SGCD: variants seen among roughly 807,000 people sequenced by gnomAD.
SGCD encodes the protein delta-sarcoglycan.
In SGCD, 18 loss-of-function variants were observed where a neutral mutation model predicts 36.6. That is an observed-to-expected ratio of 0.49 (90% CI 0.34 to 0.73). The LOEUF (loss-of-function observed/expected upper bound fraction) is 0.73, where lower values mean the gene tolerates loss of function less well. SGCD is among the 30% of genes least tolerant of loss of function. SGCD has a pLI of 0.01. For missense variants in SGCD, 387 were observed against 346.7 expected, an observed-to-expected ratio of 1.12 and a Z score of -0.92; for synonymous variants, 133 against 130.6, an observed-to-expected ratio of 1.02 and a Z score of -0.12.
chr5:155,954,313 G>A (rs1388133255), intron 1 of SGCD, among the ~76,000 whole-genome samples: 1 of 152,114 alleles, frequency 6.6e-6, no homozygotes, highest in African/African-American at 2.4e-5. Context: ...TGCTTCTTAG[G>A]TCATAAATTC....
chr5:156,648,618 T>C (rs1763325465), intron 7 of SGCD, among the ~76,000 whole-genome samples: 1 of 152,128 alleles, frequency 6.6e-6, no homozygotes. Flanking sequence ...GAGAATCTTT[T>C]CATAACAAAA....
intron 3 of SGCD, among the ~76,000 whole-genome samples, chr5:156,217,532 G>T (rs906006357): frequency 6.6e-6 from 1 of 152,098 alleles, no homozygotes; most frequent in African/African-American, 2.4e-5. Flanking sequence ...CATTGCAACA[G>T]AATTTAGTGT....
intron 3 of SGCD, among the ~76,000 whole-genome samples, chr5:156,381,869 T>A (rs1170694736): frequency 6.6e-6 from 1 of 152,200 alleles, no homozygotes; most frequent in Non-Finnish European, 1.5e-5. Flanking sequence ...TTGCCTTAGT[T>A]TTCTCATCCA....
intron 1 of SGCD, among the ~76,000 whole-genome samples, chr5:156,082,573 A>G (rs1760984001): frequency 6.6e-6 from 1 of 152,236 alleles, no homozygotes; most frequent in African/African-American, 2.4e-5. Flanking sequence ...GTTCCTTTGT[A>G]TAGTGGAATA....
At chr5:156,081,106 C>T (rs1760939618) in intron 1 of SGCD, among the ~76,000 whole-genome samples, 1 of 152,058 alleles carries the variant, frequency 6.6e-6, no homozygotes, top group South Asian at 2.1e-4. Context: ...CTGGTGAGGG[C>T]CTCAGGAAGC....
chr5:156,040,085 T>G (rs2127577997), intron 1 of SGCD, among the ~76,000 whole-genome samples: 1 of 152,256 alleles, frequency 6.6e-6, no homozygotes. Flanking sequence ...TGACATAGGT[T>G]TATACTGACC....
chr5:156,436,743 C>A (rs1000795777), intron 3 of SGCD, among the ~76,000 whole-genome samples: 2 of 152,088 alleles, frequency 1.3e-5, no homozygotes, highest in African/African-American at 2.4e-5. Context: ...GCTCTGGTAC[C>A]TTGAAGGAAA....
the SGCD span, among the ~76,000 whole-genome samples, chr5:155,786,112 G>T: frequency 6.6e-6 from 1 of 152,126 alleles, no homozygotes; most frequent in African/African-American, 2.4e-5. Flanking sequence ...GAATAGTGTT[G>T]CTTTTTGGAA....
intron 3 of SGCD, among the ~76,000 whole-genome samples, chr5:156,307,872 C>G (rs1419563618): frequency 1.9e-3 from 287 of 152,028 alleles, no homozygotes; most frequent in African/African-American, 6.8e-3. Context: ...GAAACATAAA[C>G]TGATAATCTT....
the SGCD span, among the ~76,000 whole-genome samples, chr5:155,849,446 G>GCACACACACACAAACACACACACACA: frequency 6.7e-6 from 1 of 149,832 alleles, no homozygotes; most frequent in Non-Finnish European, 1.5e-5. Context: ...ATGTGCGCGC[G>GCACACACACACAAACACACACACACA]CACACACACA....
intron 5 of SGCD, 84 bp downstream of exon 5, chr5:156,589,402 G>C (rs1365782160): frequency 5.4e-6 from 4 of 739,214 alleles, no homozygotes; most frequent in Non-Finnish European, 9.4e-6. Flanking sequence ...AACACCATAT[G>C]AACCTGAAAA....
At chr5:156,628,611 A>T (rs193127981) in intron 6 of SGCD, among the ~76,000 whole-genome samples, 46 of 152,354 alleles carry the variant, frequency 3.0e-4, no homozygotes, top group Admixed American at 2.5e-3. Flanking sequence ...CATCTTTGAC[A>T]AGTAAAACTG....
intron 2 of SGCD, among the ~76,000 whole-genome samples, chr5:156,339,682 A>G (rs1580842645): frequency 6.6e-6 from 1 of 152,220 alleles, no homozygotes; most frequent in East Asian, 1.9e-4. Flanking sequence ...CAATAGCATT[A>G]TATCTAAAAG....
At chr5:156,697,641 A>C (rs1248525642) in intron 7 of SGCD, among the ~76,000 whole-genome samples, 1 of 152,130 alleles carries the variant, frequency 6.6e-6, no homozygotes, top group African/African-American at 2.4e-5. Flanking sequence ...TTCACACTCT[A>C]TCATAATTGC....
intron 3 of SGCD, among the ~76,000 whole-genome samples, chr5:156,396,002 T>C (rs758779939): frequency 2.0e-4 from 31 of 152,236 alleles, no homozygotes; most frequent in Non-Finnish European, 4.4e-4. Flanking sequence ...GACATATCCA[T>C]AGGACCTTGA....
chr5:156,074,155 G>C (rs1045236660), intron 1 of SGCD, among the ~76,000 whole-genome samples: 1 of 152,134 alleles, frequency 6.6e-6, no homozygotes, highest in Non-Finnish European at 1.5e-5. Context: ...ATATCTTTTG[G>C]AACCACATAT....
At chr5:155,983,201 C>A (rs1758263382) in intron 1 of SGCD, among the ~76,000 whole-genome samples, 1 of 152,156 alleles carries the variant, frequency 6.6e-6, no homozygotes, top group South Asian at 2.1e-4. Flanking sequence ...AAAGTGTAAT[C>A]ATATATGTTA....
intron 4 of SGCD, among the ~76,000 whole-genome samples, chr5:156,567,377 A>AATAAATAG (rs1292170277): frequency 0.018 from 2,346 of 131,788 alleles, 24 homozygotes; most frequent in Non-Finnish European, 0.023. Flanking sequence ...TGGATAGATA[A>AATAAATAG]ATAGATAGAT....
chr5:156,296,526 C>T (rs1223186603), intron 3 of SGCD, among the ~76,000 whole-genome samples: 7 of 152,076 alleles, frequency 4.6e-5, no homozygotes, highest in Non-Finnish European at 4.4e-5. Context: ...TCTAATGCCT[C>T]TTGTGATTTA....
Sources: gnomAD v4.1 joint callset for allele counts (sites outside exome capture counted in the v4.1 genomes callset) on GRCh38, gnomAD v4.1.1 for gene constraint, MANE v1.5 for transcripts, NCBI Gene and HGNC (gene_info 2026-07-23, HGNC 2026-07-21) for gene names.